Variants in SARS2 observed in about 807,000 individuals in gnomAD.
SARS2 encodes serine--tRNA ligase, mitochondrial.
In SARS2, 52 loss-of-function variants were observed where a neutral mutation model predicts 66.8. The observed-to-expected ratio is 0.78, with a 90% CI of 0.62 to 0.98. The LOEUF is 0.98. Among genes scored for constraint, SARS2 ranks in the 50% least tolerant of loss-of-function variants. SARS2 has a pLI of 0.00. For missense variants in SARS2, 673 were observed against 706.3 expected, an observed-to-expected ratio of 0.95 and a Z score of 0.53; for synonymous variants, 306 against 281.4, an observed-to-expected ratio of 1.09 and a Z score of -0.87.
intron 1 of SARS2, among the ~76,000 whole-genome samples, chr19:38,926,835 G>C (rs1316904203): frequency 6.6e-6 from 1 of 151,592 alleles, no homozygotes; most frequent in Non-Finnish European, 1.5e-5. Flanking sequence ...TCATGGCTGG[G>C]TGTGGCACTT....
In SARS2 at chr19:38,918,143, G is replaced by A. The variant is rs542117712; in HGVS notation, c.917-4C>T. 96 of 1,594,976 alleles carry A rather than the reference G, an allele frequency of 6.0e-5. No homozygotes were observed. Among genetic ancestry groups the A allele is most frequent in the Admixed American group, 1.1e-4 (6 of 56,454 alleles). ...ACGGTGTGGTCCATGAAGTAGCCTGGGAGGAGAGACCACAGGGTGAGCCAG... is the reference window on the plus strand; with the variant it reads ...ACGGTGTGGTCCATGAAGTAGCCTGAGAGGAGAGACCACAGGGTGAGCCAG... On this transcript the variant is annotated splice_polypyrimidine_tract_variant and splice_region_variant and intron_variant, in intron 9 of 15. Coordinates refer to ENST00000221431, the MANE Select transcript of SARS2 (RefSeq NM_017827.4).
chr19:38,915,700 T>A lies in SARS2; in HGVS notation c.1463A>T (p.Asp488Val), dbSNP rs772441412. ...PPALQSYLGT[D>V]RITAPTHVPL... The stretch of plus-strand genomic sequence containing the variant: ...CACGTGGGTAGGGGCTGTGATCCGA[T>A]CAGTGCCGAGGTAGGACTGGAGGGC... Residue 488 changes from aspartate (D) to valine (V), a missense_variant, in exon 16 of 16, where the codon GAT (aspartate) becomes GTT (valine). Coordinates refer to ENST00000221431, the MANE Select transcript of SARS2 (RefSeq NM_017827.4). 6.2e-7 allele frequency: 1 copy of A among 1,613,240 alleles called. No homozygotes were observed. The highest frequency in any genetic ancestry group is 8.5e-7 in the Non-Finnish European group (1 of 1,179,590).
chr19:38,927,381 C>T (rs1195618014), intron 1 of SARS2, among the ~76,000 whole-genome samples: 1 of 151,752 alleles, frequency 6.6e-6, no homozygotes, highest in Non-Finnish European at 1.5e-5. Context: ...CCAGCCTGGG[C>T]AACATGGAGA....
At chr19:38,920,700 CAAAG>C (rs1974506130) in intron 5 of SARS2, among the ~76,000 whole-genome samples, 1 of 151,578 alleles carries the variant, frequency 6.6e-6, no homozygotes, top group Non-Finnish European at 1.5e-5. Context: ...TACAGACACA[CAAAG>C]ACAGACACGC....
At chr19:38,916,553 A>G (rs59785584) in intron 12 of SARS2, among the ~76,000 whole-genome samples, 1 of 151,238 alleles carries the variant, frequency 6.6e-6, no homozygotes, top group African/African-American at 2.4e-5. Flanking sequence ...AAGGTGGTAC[A>G]TGGAGGGGGA....
intron 5 of SARS2, among the ~76,000 whole-genome samples, chr19:38,921,058 C>T (rs1277566912): frequency 1.6e-5 from 2 of 123,372 alleles, no homozygotes; most frequent in Non-Finnish European, 3.3e-5. Flanking sequence ...GATACAGACA[C>T]ACACATACAG....
intron 12 of SARS2, among the ~76,000 whole-genome samples, 162 bp downstream of exon 12, chr19:38,917,558 GCAGA>G (rs1463262375): frequency 1.3e-5 from 2 of 152,230 alleles, no homozygotes; most frequent in East Asian, 3.8e-4. Flanking sequence ...CCGGCACACG[GCAGA>G]CAGATTGGGA....
At chr19:38,928,879 T>C (rs1974675628) in intron 1 of SARS2, among the ~76,000 whole-genome samples, 1 of 152,176 alleles carries the variant, frequency 6.6e-6, no homozygotes. Context: ...GGTAGTCAAA[T>C]TTACCAGAAA....
chr19:38,919,902 C>A (rs1974488192), intron 6 of SARS2, 35 bp from the exon 7 acceptor site: 1 of 1,582,310 alleles, frequency 6.3e-7, no homozygotes, highest in Admixed American at 1.7e-5. Context: ...TGCACATGGG[C>A]CAGGCTGGCA....
chr19:38,929,650 G>T (rs775396639), intron 1 of SARS2, among the ~76,000 whole-genome samples: 37 of 151,614 alleles, frequency 2.4e-4, no homozygotes, highest in Non-Finnish European at 4.9e-4. Flanking sequence ...ATGACCTAGC[G>T]CAAGTGAATT....
chr19:38,917,447 G>C (rs1299198022), intron 12 of SARS2, among the ~76,000 whole-genome samples: 1 of 152,182 alleles, frequency 6.6e-6, no homozygotes, highest in South Asian at 2.1e-4. Context: ...ATGAGGCAGT[G>C]GCCCAGAGAG....
chr19:38,918,232 C>T, intron 9 of SARS2, 93 bp from the exon 10 acceptor site: 1 of 1,388,052 alleles, frequency 7.2e-7, no homozygotes, highest in Non-Finnish European at 1.0e-6. Context: ...TGGATGCAAC[C>T]CCAGGTCAAG....
At chr19:38,918,621 C>A in intron 8 of SARS2, 91 bp from the exon 9 acceptor site, 2 of 1,389,930 alleles carry the variant, frequency 1.4e-6, no homozygotes, top group Admixed American at 1.9e-5. Flanking sequence ...CCCCTGAAAA[C>A]ATCTGGAGCT....
rs930612980 is a variant in SARS2, at chr19:38,930,167, T to C, written c.267+303A>G. On this transcript the variant is annotated intron_variant, in intron 1 of 15. Transcript: ENST00000221431. ...GTCTTAGGGAAAGGCTGGCATGAGGTTGCAGCACGGAGGGCAATGTCACAT... is the reference window on the plus strand; with the variant it reads ...GTCTTAGGGAAAGGCTGGCATGAGGCTGCAGCACGGAGGGCAATGTCACAT... 3 of 375,638 alleles carry C rather than the reference T, an allele frequency of 8.0e-6. No homozygotes were observed. The East Asian group carries it at 1.4e-4, about 18-fold the overall frequency. The allele number at this position is 375,638 out of a possible 1,614,324, so 23.3% of individuals were successfully genotyped here.
Position 38,922,280 on chromosome 19 carries a change from A to C in SARS2, c.364-13T>G. 6.2e-7 allele frequency: 1 copy of C among 1,613,990 alleles called. No individual in the cohort carries two copies. Among genetic ancestry groups the C allele is most frequent in the Non-Finnish European group, 8.5e-7 (1 of 1,179,914 alleles). On this transcript the variant is annotated splice_polypyrimidine_tract_variant and intron_variant, in intron 2 of 15. Transcript: ENST00000221431. ...TGTCCTGGTTTGCCTGGTAGAAAAG[A>C]GACAGGGTGGGTGATTAGGTTGACA... is the stretch of plus-strand genomic sequence containing the variant.
At chr19:38,920,023 G>A (rs1293836071) in intron 6 of SARS2, 63 bp downstream of exon 6, 5 of 1,458,902 alleles carry the variant, frequency 3.4e-6, no homozygotes, top group Non-Finnish European at 4.7e-6. Context: ...AATGAGGCAG[G>A]AGCCAGCTGT....
Position 38,916,210 on chromosome 19 carries a change from A to C in SARS2, c.1254+11T>G, listed in dbSNP as rs768999185. 2.5e-6 allele frequency: 4 copies of C among 1,613,960 alleles called. No homozygotes were observed. The highest frequency in any genetic ancestry group is 3.4e-6 in the Non-Finnish European group (4 of 1,179,892). Reference sequence around the variant, plus strand: ...TCCTGCCCACCCCGTCCCCAGCGGCACAGGGCTCACCTCTCCAAAGCGGCC... The same window carrying C: ...TCCTGCCCACCCCGTCCCCAGCGGCCCAGGGCTCACCTCTCCAAAGCGGCC... On this transcript the variant is annotated intron_variant, in intron 13 of 15. Coordinates refer to ENST00000221431, the MANE Select transcript of SARS2 (RefSeq NM_017827.4).
chr19:38,927,957 C>T (rs1053611957), intron 1 of SARS2, among the ~76,000 whole-genome samples: 5 of 152,236 alleles, frequency 3.3e-5, no homozygotes, highest in South Asian at 2.1e-4. Flanking sequence ...TGCTTGAACC[C>T]GGGAGGTAGA....
At chr19:38,916,814 C>A (rs1974426938) in intron 12 of SARS2, among the ~76,000 whole-genome samples, 1 of 151,870 alleles carries the variant, frequency 6.6e-6, no homozygotes, top group Admixed American at 6.6e-5. Context: ...AGGTGTGTGC[C>A]ACCATGCCCG....
Sources: allele counts gnomAD v4.1 joint callset (sites outside exome capture counted in the v4.1 genomes callset), GRCh38; gene constraint gnomAD v4.1.1; transcripts MANE v1.5; gene names NCBI Gene and HGNC (gene_info 2026-07-23, HGNC 2026-07-21).